Variants in NCKAP5 observed in about 807,000 individuals in gnomAD.
NCKAP5 encodes NCK associated protein 5, also known as nck-associated protein 5.
NCKAP5 carries 92 observed loss-of-function variants against 167.0 expected under a neutral mutation model. The observed-to-expected ratio is 0.55, with a 90% CI of 0.47 to 0.66. The LOEUF is 0.66. NCKAP5 is among the 30% of genes least tolerant of loss of function. The probability of loss-of-function intolerance (pLI) is 0.00; values close to 1 mark genes in which losing one functional copy is unlikely to be tolerated. For missense variants in NCKAP5, 2,378 were observed against 2,315.0 expected, an observed-to-expected ratio of 1.03 and a Z score of -0.56; for synonymous variants, 891 against 877.4, an observed-to-expected ratio of 1.02 and a Z score of -0.27.
At chr2:133,574,925 G>A in the NCKAP5 span, among the ~76,000 whole-genome samples, 1 of 152,202 alleles carries the variant, frequency 6.6e-6, no homozygotes, top group African/African-American at 2.4e-5. Context: ...GGCTCTAGGG[G>A]TGAGCAAGGC....
chr2:133,461,782 ATAC>A (rs1574994919), intron 3 of NCKAP5, among the ~76,000 whole-genome samples: 2 of 152,322 alleles, frequency 1.3e-5, no homozygotes, highest in South Asian at 2.1e-4. Flanking sequence ...TCCATCCTAC[ATAC>A]TACTACTACC....
intron 2 of NCKAP5, among the ~76,000 whole-genome samples, chr2:133,518,509 C>T (rs1575094843): frequency 6.6e-6 from 1 of 151,976 alleles, no homozygotes; most frequent in African/African-American, 2.4e-5. Context: ...CGCCTGCCAC[C>T]ATGCCAGGCT....
intron 6 of NCKAP5, among the ~76,000 whole-genome samples, chr2:132,999,189 G>T (rs2077699905): frequency 6.6e-6 from 1 of 152,190 alleles, no homozygotes; most frequent in African/African-American, 2.4e-5. Flanking sequence ...TATTAAAATA[G>T]ATTCCATTTT....
intron 8 of NCKAP5, among the ~76,000 whole-genome samples, chr2:132,909,834 CAT>C (rs1299215460): frequency 5.9e-5 from 9 of 152,338 alleles, no homozygotes; most frequent in African/African-American, 2.2e-4. Flanking sequence ...GTTGAGAAAT[CAT>C]ATGATTTTTC....
chr2:133,588,539 A>G, the NCKAP5 span, among the ~76,000 whole-genome samples: 3 of 150,098 alleles, frequency 2.0e-5, no homozygotes, highest in African/African-American at 4.9e-5. Context: ...TTTCCCATTT[A>G]TCAAAAGTTT....
intron 4 of NCKAP5, among the ~76,000 whole-genome samples, chr2:133,236,070 CAAAAAAAA>C (rs527705526): frequency 0.022 from 345 of 15,614 alleles, no homozygotes; most frequent in African/African-American, 0.046. Context: ...TGTCTCAGAC[CAAAAAAAA>C]AAAAAAAAAA....
intron 19 of NCKAP5, among the ~76,000 whole-genome samples, chr2:132,715,980 A>T (rs1250427108): frequency 1.3e-5 from 2 of 152,042 alleles, no homozygotes; most frequent in Non-Finnish European, 2.9e-5. Context: ...TTTTGTACCC[A>T]TTATCTCCCT....
At chr2:133,074,335 A>G (rs1222755906) in intron 6 of NCKAP5, among the ~76,000 whole-genome samples, 2 of 150,490 alleles carry the variant, frequency 1.3e-5, no homozygotes. Context: ...GCTTTAAGAG[A>G]AGAAATCATA....
chr2:132,683,185 T>C (rs767188820), intron 19 of NCKAP5, among the ~76,000 whole-genome samples: 2 of 152,010 alleles, frequency 1.3e-5, no homozygotes, highest in Non-Finnish European at 2.9e-5. Flanking sequence ...CACATAAAGA[T>C]AGTCTATAGA....
At chr2:133,476,491 A>T (rs76791416) in intron 3 of NCKAP5, among the ~76,000 whole-genome samples, 173 of 152,274 alleles carry the variant, frequency 1.1e-3, no homozygotes, top group African/African-American at 3.9e-3. Flanking sequence ...AGCATTCTTC[A>T]GTTTCCAGGG....
At chr2:133,384,211 T>A (rs751648916) in intron 3 of NCKAP5, among the ~76,000 whole-genome samples, 1 of 152,234 alleles carries the variant, frequency 6.6e-6, no homozygotes, top group Non-Finnish European at 1.5e-5. Flanking sequence ...AAGTCTTTAA[T>A]CCATCTTTAA....
chr2:133,587,705 C>G, the NCKAP5 span, among the ~76,000 whole-genome samples: 1 of 152,196 alleles, frequency 6.6e-6, no homozygotes, highest in Non-Finnish European at 1.5e-5. Flanking sequence ...TCATCTCTTC[C>G]CCATGCCTTG....
At chr2:133,330,500 A>G (rs1404327911) in intron 3 of NCKAP5, among the ~76,000 whole-genome samples, 2 of 151,624 alleles carry the variant, frequency 1.3e-5, no homozygotes, top group Non-Finnish European at 1.5e-5. Context: ...AGCATATAAT[A>G]TCTATTAACA....
intron 2 of NCKAP5, among the ~76,000 whole-genome samples, chr2:133,541,344 T>C (rs1450936421): frequency 6.6e-6 from 1 of 151,990 alleles, no homozygotes; most frequent in Non-Finnish European, 1.5e-5. Context: ...TCAACTAAAG[T>C]TGGGAACTAC....
At chr2:133,028,695 A>T (rs1166296060) in intron 6 of NCKAP5, among the ~76,000 whole-genome samples, 1 of 152,148 alleles carries the variant, frequency 6.6e-6, no homozygotes, top group African/African-American at 2.4e-5. Flanking sequence ...TTAGATTTTG[A>T]TATAGTTTAG....
chr2:132,690,722 A>G (rs1686620621), intron 19 of NCKAP5, among the ~76,000 whole-genome samples: 1 of 152,156 alleles, frequency 6.6e-6, no homozygotes, highest in Non-Finnish European at 1.5e-5. Flanking sequence ...GGCTTCTGGG[A>G]AGGTTCAGCC....
At chr2:132,974,209 T>C (rs1218968371) in intron 7 of NCKAP5, among the ~76,000 whole-genome samples, 1 of 152,168 alleles carries the variant, frequency 6.6e-6, no homozygotes, top group Non-Finnish European at 1.5e-5. Flanking sequence ...CTTTAGGAAC[T>C]AGTCATTTGT....
At chr2:133,051,213 T>A (rs1022029530) in intron 6 of NCKAP5, among the ~76,000 whole-genome samples, 1 of 152,152 alleles carries the variant, frequency 6.6e-6, no homozygotes, top group African/African-American at 2.4e-5. Flanking sequence ...CTACTGCTGA[T>A]CTGGGGTTAA....
chr2:133,004,155 G>A (rs1195929121), intron 6 of NCKAP5, among the ~76,000 whole-genome samples: 1 of 152,162 alleles, frequency 6.6e-6, no homozygotes. Flanking sequence ...TCTCACATGT[G>A]CAAGTAAATG....
Sources: gnomAD v4.1 joint callset for allele counts (sites outside exome capture counted in the v4.1 genomes callset) on GRCh38, gnomAD v4.1.1 for gene constraint, MANE v1.5 for transcripts, NCBI Gene and HGNC (gene_info 2026-07-23, HGNC 2026-07-21) for gene names.